MARK3: variants seen among roughly 807,000 people sequenced by gnomAD.
MARK3 encodes the protein microtubule affinity regulating kinase 3.
Under a neutral mutation model 90.1 loss-of-function variants are expected in MARK3, and 46 were observed. The ratio of observed to expected loss-of-function variants is 0.51; its 90% confidence interval spans 0.40 to 0.65. MARK3 has a LOEUF of 0.65. MARK3 is among the 30% of genes least tolerant of loss of function. The pLI is 0.00. For synonymous variants in MARK3, 321 were observed against 332.6 expected, an observed-to-expected ratio of 0.97 and a Z score of 0.38; for missense variants, 818 against 947.2, an observed-to-expected ratio of 0.86 and a Z score of 1.79.
intron 3 of MARK3, among the ~76,000 whole-genome samples, chr14:103,440,426 AGTGT>A (rs1447972711): frequency 2.0e-5 from 3 of 152,206 alleles, no homozygotes; most frequent in Admixed American, 2.0e-4. Flanking sequence ...TTCCATCAGT[AGTGT>A]GTAAGAGAGC....
At chr14:103,489,183 T>C (rs2093978543) in intron 14 of MARK3, among the ~76,000 whole-genome samples, 1 of 152,238 alleles carries the variant, frequency 6.6e-6, no homozygotes, top group Admixed American at 6.5e-5. Context: ...TGGTTCATTT[T>C]TGAAGAGTGA....
chr14:103,456,340 T>G (rs2093277767), intron 5 of MARK3, among the ~76,000 whole-genome samples: 1 of 152,176 alleles, frequency 6.6e-6, no homozygotes, highest in Admixed American at 6.5e-5. Context: ...CATCTCTGCT[T>G]CTCATCTCAC....
At chr14:103,412,573 A>C (rs575210804) in intron 2 of MARK3, 15 of 686,952 alleles carry the variant, frequency 2.2e-5, no homozygotes, top group African/African-American at 2.2e-4. Flanking sequence ...CCCAGGACCC[A>C]CACTTGGGAC....
At chr14:103,429,465 A>G (rs992226871) in intron 3 of MARK3, 2 of 152,246 alleles carry the variant, frequency 1.3e-5, no homozygotes, top group African/African-American at 2.4e-5. Context: ...GCAGTGCTCT[A>G]TATACATTTC....
chr14:103,445,935 G>A (rs567929871), intron 3 of MARK3, among the ~76,000 whole-genome samples: 3 of 152,310 alleles, frequency 2.0e-5, no homozygotes, highest in South Asian at 4.2e-4. Context: ...GGCTCAGACC[G>A]CAGTTGTTGG....
chr14:103,442,943 C>A (rs889561734), intron 3 of MARK3, among the ~76,000 whole-genome samples: 2 of 129,532 alleles, frequency 1.5e-5, no homozygotes, highest in African/African-American at 6.9e-5. Context: ...TGGTGGGTGT[C>A]CCCCCCCCTC....
At chr14:103,490,929 G>T in intron 14 of MARK3, 1 of 1,255,252 alleles carries the variant, frequency 8.0e-7, no homozygotes, top group Non-Finnish European at 1.0e-6. Flanking sequence ...TTCTGCCTCT[G>T]CCTGAACCCA....
intron 3 of MARK3, among the ~76,000 whole-genome samples, chr14:103,448,122 T>C (rs2093041424): frequency 1.3e-5 from 2 of 152,210 alleles, no homozygotes. Flanking sequence ...TGAATTCAGC[T>C]GGTGGTTTGG....
At chr14:103,400,849 C>T (rs931701955) in intron 1 of MARK3, among the ~76,000 whole-genome samples, 1 of 142,430 alleles carries the variant, frequency 7.0e-6, no homozygotes, top group African/African-American at 2.6e-5. Context: ...GAGGTATGAT[C>T]GATCACACTA....
intron 13 of MARK3, among the ~76,000 whole-genome samples, chr14:103,478,224 C>T (rs1029589408): frequency 9.3e-5 from 14 of 150,068 alleles, no homozygotes; most frequent in South Asian, 2.1e-4. Flanking sequence ...GAACCCAGGA[C>T]GCAGAAGTTG....
intron 2 of MARK3, chr14:103,412,566 A>G: frequency 3.0e-6 from 2 of 660,484 alleles, no homozygotes; most frequent in South Asian, 3.1e-5. Flanking sequence ...CTGTTCCCCC[A>G]GGACCCACAC....
At chr14:103,473,212 G>T (rs1325363673) in intron 12 of MARK3, among the ~76,000 whole-genome samples, 2 of 152,332 alleles carry the variant, frequency 1.3e-5, no homozygotes, top group South Asian at 4.1e-4. Context: ...AGTGGCTGTG[G>T]CTATGAAAGG....
intron 6 of MARK3, chr14:103,458,806 G>T: frequency 1.5e-6 from 1 of 675,450 alleles, no homozygotes; most frequent in Non-Finnish European, 2.7e-6. Context: ...GTAAGTGATA[G>T]GACTTATTAA....
intron 15 of MARK3, among the ~76,000 whole-genome samples, chr14:103,496,304 G>A (rs1399427957): frequency 2.6e-5 from 4 of 152,142 alleles, no homozygotes; most frequent in Non-Finnish European, 5.9e-5. Flanking sequence ...GAAATGTCCA[G>A]GCACCATGGC....
Position 103,465,684 on chromosome 14 carries a change from T to C in MARK3, c.668T>C (p.Leu223Pro). ...AGTCCTCCATACGCAGCACCTGAGC[T>C]CTTCCAGGGCAAGAAATATGACGGG... ...CGSPPYAAPE[L>P]FQGKKYDGPE... is the part of the protein sequence containing the mutation. Residue 223 changes from leucine to proline, a missense_variant, in exon 8 of 18, where the codon CTC (leucine) becomes CCC (proline). Coordinates refer to ENST00000429436, the MANE Select transcript of MARK3 (RefSeq NM_001128918.3). 1 of 1,614,148 alleles carries C rather than the reference T, an allele frequency of 6.2e-7. No individual in the cohort carries two copies. Among genetic ancestry groups the C allele is most frequent in the Non-Finnish European group, 8.5e-7 (1 of 1,180,032 alleles).
At position 103,503,575 on chromosome 14, in the gene MARK3, A is replaced by G. The variant is rs977058180; in HGVS notation, c.*348A>G. 19 of 237,314 alleles carry G rather than the reference A, an allele frequency of 8.0e-5. No individual in the cohort carries two copies. Among genetic ancestry groups the G allele is most frequent in the Non-Finnish European group, 1.2e-4 (14 of 120,824 alleles). 14.7% of individuals were successfully genotyped at this position (237,314 alleles called of 1,614,324 possible). On this transcript the variant is annotated 3_prime_UTR_variant, in exon 18 of 18. Transcript: ENST00000429436. The stretch of plus-strand genomic sequence containing the variant: ...CCTACACTGGCAGCCAGTCATTACT[A>G]GTACCTCTGCGGGAGATCATCCGGT...
At chr14:103,405,022 G>A in intron 1 of MARK3, 54 bp from the exon 2 acceptor site, 3 of 1,422,174 alleles carry the variant, frequency 2.1e-6, no homozygotes, top group Non-Finnish European at 9.7e-7. Context: ...CTTAGAACTT[G>A]GCAAGTACTC....
intron 17 of MARK3, among the ~76,000 whole-genome samples, chr14:103,501,625 C>A (rs1053048717): frequency 6.6e-6 from 1 of 152,092 alleles, no homozygotes; most frequent in Non-Finnish European, 1.5e-5. Context: ...GGCCCACCCC[C>A]ACCCGTGCTG....
chr14:103,427,918 A>AAG (rs2092463756), intron 2 of MARK3, among the ~76,000 whole-genome samples: 1 of 152,104 alleles, frequency 6.6e-6, no homozygotes, highest in Non-Finnish European at 1.5e-5. Flanking sequence ...AGCTCCTCCT[A>AAG]TCTCACCCTG....
Sources: gnomAD v4.1 joint callset for allele counts (sites outside exome capture counted in the v4.1 genomes callset) on GRCh38, gnomAD v4.1.1 for gene constraint, MANE v1.5 for transcripts, NCBI Gene and HGNC (gene_info 2026-07-23, HGNC 2026-07-21) for gene names.